The following CYREN variants were observed in gnomAD, a reference collection of about 807,000 sequenced individuals.
CYREN encodes cell cycle regulator of NHEJ.
In CYREN, 7 loss-of-function variants were observed where a neutral mutation model predicts 9.7. That is an observed-to-expected ratio of 0.72 (90% CI 0.41 to 1.36). The LOEUF is 1.36. Among genes scored for constraint, CYREN ranks in the 40% most tolerant of loss-of-function variants. The pLI, the probability that CYREN is intolerant of heterozygous loss-of-function variation, is 0.01. For missense variants in CYREN, 215 were observed against 198.1 expected, an observed-to-expected ratio of 1.09 and a Z score of -0.51; for synonymous variants, 76 against 77.9, an observed-to-expected ratio of 0.98 and a Z score of 0.13.
chr7:135,129,493 C>G, intron 2 of CYREN: 1 of 772,902 alleles, frequency 1.3e-6, no homozygotes, highest in Non-Finnish European at 2.4e-6. Flanking sequence ...TGTTGTGGAA[C>G]TCCCATAGAG....
intron 2 of CYREN, among the ~76,000 whole-genome samples, chr7:135,102,032 G>A (rs1488272402): frequency 1.3e-5 from 2 of 152,194 alleles, no homozygotes; most frequent in South Asian, 2.1e-4. Context: ...CACCATGATC[G>A]TGAGGCCTCC....
intron 2 of CYREN, 187 bp downstream of exon 2, chr7:135,168,599 C>T: frequency 1.2e-6 from 1 of 845,518 alleles, no homozygotes; most frequent in Admixed American, 2.9e-5. Flanking sequence ...GGTGCCTGTC[C>T]TCGAGGGTTA....
At chr7:135,134,936 CA>C in intron 2 of CYREN, 1 of 1,551,040 alleles carries the variant, frequency 6.4e-7, no homozygotes, top group South Asian at 1.2e-5. Flanking sequence ...GATGTTATGG[CA>C]AACTCTTCAG....
intron 2 of CYREN, chr7:135,135,159 C>T: frequency 6.4e-7 from 1 of 1,551,042 alleles, no homozygotes; most frequent in African/African-American, 1.4e-5. Context: ...ACCAGCAAAG[C>T]TCTAAGCATA....
chr7:135,134,521 T>C (rs1351247038), intron 2 of CYREN, among the ~76,000 whole-genome samples: 1 of 152,094 alleles, frequency 6.6e-6, no homozygotes, highest in East Asian at 1.9e-4. Context: ...TACTTTACTT[T>C]TTAGTGACCA....
At position 135,111,598 on chromosome 7, in the gene CYREN, C is replaced by T. The variant is rs530602643; in HGVS notation, n.357-17016G>A. ...TGTTTTTTGGTCTTTAATAACATTT[C>T]ACAATAGCTATTGTGAAATAGCTCA... On this transcript the variant is annotated intron_variant and non_coding_transcript_variant, in intron 2 of 2. Transcript: ENST00000459937. Among the ~76,000 whole-genome samples the T allele has an allele frequency of 9.2e-4, 139 of 151,332 alleles. 1 individual carries two copies. The highest frequency in any genetic ancestry group is 3.1e-3 in the African/African-American group (129 of 41,264).
Position 135,166,672 on chromosome 7 carries a change from CT to C in CYREN, c.412del (p.Ser138AlafsTer11). ...ATCCTCTTCCTCCTCCTCCTCAGGG[CT>C]CCTGCTACAGGCAGAGCTGGAACCC... Reference protein sequence around the residue: ...PGGSSSACSRSPEEEEEEDVL... With the variant: ...PGGSSSACSRXPEEEEEEDVL... On this transcript the variant is annotated frameshift_variant, in exon 4 of 4. Transcript: ENST00000393114. LOFTEE classifies it high-confidence loss of function. 1 of 1,610,586 alleles carries C rather than the reference CT, an allele frequency of 6.2e-7. No homozygotes were observed. The highest frequency in any genetic ancestry group is 8.5e-7 in the Non-Finnish European group (1 of 1,179,922).
At chr7:135,096,353 A>AAGAG (rs1211651160) in intron 2 of CYREN, among the ~76,000 whole-genome samples, 3 of 149,660 alleles carry the variant, frequency 2.0e-5, no homozygotes, top group South Asian at 2.1e-4. Flanking sequence ...GAAAGAAAGA[A>AAGAG]AGAGAGAGAC....
At position 135,169,020 on chromosome 7, in the gene CYREN, T is replaced by A; in HGVS notation, c.-98A>T. 1 of 1,191,934 alleles carries A rather than the reference T, an allele frequency of 8.4e-7. No homozygotes were observed. Among genetic ancestry groups the A allele is most frequent in the Non-Finnish European group, 1.2e-6 (1 of 863,492 alleles). 73.8% of individuals were successfully genotyped at this position (1,191,934 alleles called of 1,614,324 possible). On this transcript the variant is annotated 5_prime_UTR_variant, in exon 2 of 4. An upstream open reading frame in the 5' UTR loses its in-frame stop. Transcript: ENST00000393114. ...CTCGTTCTCTCGTCACACCCGGAAT[T>A]ACAGGTCCATTTGTCCTCAGTGGGA...
At chr7:135,113,217 A>G (rs1825881612) in intron 2 of CYREN, among the ~76,000 whole-genome samples, 1 of 151,806 alleles carries the variant, frequency 6.6e-6, no homozygotes, top group Admixed American at 6.5e-5. Context: ...TGTGTGCTTT[A>G]TTTATCTTTT....
intron 2 of CYREN, among the ~76,000 whole-genome samples, chr7:135,134,422 T>C (rs1304593866): frequency 1.3e-5 from 2 of 152,148 alleles, no homozygotes; most frequent in Non-Finnish European, 2.9e-5. Context: ...CACGTTGATT[T>C]TTTTACTGGT....
intron 2 of CYREN, among the ~76,000 whole-genome samples, chr7:135,120,874 C>T (rs934813327): frequency 1.3e-5 from 2 of 152,056 alleles, no homozygotes; most frequent in Admixed American, 6.6e-5. Flanking sequence ...AAAGGTCAAT[C>T]CACTAGAAAC....
At chr7:135,168,368 T>C in intron 2 of CYREN, 1 of 166,544 alleles carries the variant, frequency 6.0e-6, no homozygotes, top group Non-Finnish European at 1.2e-5. Flanking sequence ...TTGCTGGCCC[T>C]GCAGCTGCTG....
chr7:135,118,391 C>T (rs1035225712), intron 2 of CYREN, among the ~76,000 whole-genome samples: 2 of 152,186 alleles, frequency 1.3e-5, no homozygotes, highest in Admixed American at 6.5e-5. Flanking sequence ...ATGGAGGCTA[C>T]ATATGGAGAT....
intron 2 of CYREN, among the ~76,000 whole-genome samples, chr7:135,109,673 G>T (rs563743035): frequency 2.0e-5 from 3 of 152,222 alleles, no homozygotes; most frequent in African/African-American, 7.2e-5. Context: ...ACTAGCAGGG[G>T]TATCTGTAGA....
intron 2 of CYREN, among the ~76,000 whole-genome samples, chr7:135,157,420 G>T (rs1829822733): frequency 6.6e-6 from 1 of 152,240 alleles, no homozygotes; most frequent in Admixed American, 6.5e-5. Context: ...CTGGGACTTG[G>T]ATGCCAACTG....
chr7:135,134,971 A>T (rs1313921467), intron 2 of CYREN: 1 of 1,551,240 alleles, frequency 6.4e-7, no homozygotes, highest in South Asian at 1.2e-5. Flanking sequence ...TAAGCCCCAC[A>T]GGTCATTGGA....
At chr7:135,111,672 C>T (rs183110126) in intron 2 of CYREN, among the ~76,000 whole-genome samples, 37 of 152,254 alleles carry the variant, frequency 2.4e-4, no homozygotes, top group Non-Finnish European at 4.4e-5. Context: ...CCTGGTTTTA[C>T]TCCTGTTTCT....
In CYREN at chr7:135,150,140, T is replaced by C. The variant is rs73153787; in HGVS notation, n.356+18609A>G. On this transcript the variant is annotated intron_variant and non_coding_transcript_variant, in intron 2 of 2. Coordinates refer to the CYREN transcript ENST00000459937. ...CACTCTTGGATCCATGTGAAATTTA[T>C]TTGGGTATGTGGAGTGAGATGAGGA... Among the ~76,000 whole-genome samples, 820 of 152,342 alleles carry C rather than the reference T, an allele frequency of 5.4e-3. 6 individuals carry two copies. The highest frequency in any genetic ancestry group is 0.021 in the South Asian group (99 of 4,824).
Sources: allele counts gnomAD v4.1 joint callset (sites outside exome capture counted in the v4.1 genomes callset), GRCh38; gene constraint gnomAD v4.1.1; transcripts MANE v1.5; gene names NCBI Gene and HGNC (gene_info 2026-07-23, HGNC 2026-07-21).